The following CBFA2T2 variants were observed in gnomAD, a reference collection of about 807,000 sequenced individuals.
The protein encoded by CBFA2T2 is CBFA2/RUNX1 partner transcriptional co-repressor 2.
Under a neutral mutation model 62.2 loss-of-function variants are expected in CBFA2T2, and 11 were observed. The ratio of observed to expected loss-of-function variants is 0.18; its 90% CI spans 0.11 to 0.29. CBFA2T2 has a LOEUF of 0.29. Among genes scored for constraint, CBFA2T2 ranks in the 10% least tolerant of loss-of-function variants. CBFA2T2 has a pLI of 1.00. For missense variants in CBFA2T2, 592 were observed against 774.1 expected (o/e 0.76, Z 2.79); for synonymous variants, 295 against 287.5 (o/e 1.03, Z -0.27).
intron 1 of CBFA2T2, among the ~76,000 whole-genome samples, chr20:33,527,684 T>G (rs968590305): frequency 6.6e-6 from 1 of 151,794 alleles, no homozygotes; most frequent in Admixed American, 6.6e-5. Context: ...TAAGTCTTAT[T>G]GTTTTTTCTT....
intron 10 of CBFA2T2, among the ~76,000 whole-genome samples, chr20:33,643,776 T>C (rs2016938282): frequency 1.3e-4 from 1 of 7,532 alleles, no homozygotes; most frequent in African/African-American, 7.9e-4. Flanking sequence ...TATATATATA[T>C]ATATATATAT....
At chr20:33,493,145 G>A (rs1234313896) in intron 1 of CBFA2T2, among the ~76,000 whole-genome samples, 2 of 142,662 alleles carry the variant, frequency 1.4e-5, no homozygotes, top group African/African-American at 5.3e-5. Context: ...GCATGATCTC[G>A]GCTCACTGCA....
At chr20:33,570,502 G>T (rs961239132) in intron 1 of CBFA2T2, among the ~76,000 whole-genome samples, 1 of 152,098 alleles carries the variant, frequency 6.6e-6, no homozygotes, top group Non-Finnish European at 1.5e-5. Flanking sequence ...AGTCAGTAAA[G>T]GGGAAGAGTT....
intron 10 of CBFA2T2, among the ~76,000 whole-genome samples, chr20:33,643,480 G>C (rs1169813670): frequency 6.7e-6 from 1 of 148,528 alleles, no homozygotes; most frequent in African/African-American, 2.5e-5. Flanking sequence ...GGAGGCTAAG[G>C]TGGGAGTGTG....
intron 1 of CBFA2T2, among the ~76,000 whole-genome samples, chr20:33,508,276 G>A: frequency 6.6e-6 from 1 of 152,022 alleles, no homozygotes; most frequent in East Asian, 1.9e-4. Context: ...TGTGTTTTTG[G>A]TAGAGATGGA....
intron 10 of CBFA2T2, 86 bp from the exon 11 acceptor site, chr20:33,644,261 C>G (rs535158628): frequency 6.8e-7 from 1 of 1,476,768 alleles, no homozygotes; most frequent in South Asian, 1.3e-5. Context: ...TCTCTACATA[C>G]AGCCCCTTGC....
At chr20:33,603,328 A>G (rs1350188853) in intron 1 of CBFA2T2, among the ~76,000 whole-genome samples, 1 of 152,174 alleles carries the variant, frequency 6.6e-6, no homozygotes, top group Non-Finnish European at 1.5e-5. Context: ...ATCCTTAGCA[A>G]ATTGCACACA....
chr20:33,581,311 C>A (rs921835969), intron 1 of CBFA2T2, among the ~76,000 whole-genome samples: 30 of 152,298 alleles, frequency 2.0e-4, no homozygotes, highest in African/African-American at 6.3e-4. Flanking sequence ...CCTGCCTTGG[C>A]CTCCCAAAGT....
chr20:33,501,282 TTTCCTCTC>T (rs2011275058), intron 1 of CBFA2T2, among the ~76,000 whole-genome samples: 1 of 152,212 alleles, frequency 6.6e-6, no homozygotes, highest in African/African-American at 2.4e-5. Flanking sequence ...ATTTTGGCCT[TTTCCTCTC>T]TTACAAATGT....
At chr20:33,590,743 G>GT (rs1427594539) in intron 1 of CBFA2T2, among the ~76,000 whole-genome samples, 1 of 152,162 alleles carries the variant, frequency 6.6e-6, no homozygotes, top group Non-Finnish European at 1.5e-5. Flanking sequence ...TGAGCATGCA[G>GT]TTTTGATTTT....
At chr20:33,612,135 T>C (rs994579313) in intron 3 of CBFA2T2, among the ~76,000 whole-genome samples, 6 of 152,220 alleles carry the variant, frequency 3.9e-5, no homozygotes, top group African/African-American at 9.6e-5. Context: ...CTCGTGCATA[T>C]AAACTTGCTT....
intron 1 of CBFA2T2, among the ~76,000 whole-genome samples, chr20:33,582,272 C>T (rs2014153305): frequency 6.6e-6 from 1 of 151,282 alleles, no homozygotes; most frequent in African/African-American, 2.4e-5. Context: ...GTGGGTGGAT[C>T]GTCTGAGGTC....
chr20:33,537,348 G>C (rs767116066), intron 1 of CBFA2T2, among the ~76,000 whole-genome samples: 2 of 152,358 alleles, frequency 1.3e-5, no homozygotes, highest in Admixed American at 1.3e-4. Context: ...CCAGTCAGGC[G>C]TGGCAGCGCG....
At chr20:33,575,019 C>G (rs2013757052) in intron 1 of CBFA2T2, among the ~76,000 whole-genome samples, 1 of 152,118 alleles carries the variant, frequency 6.6e-6, no homozygotes, top group African/African-American at 2.4e-5. Flanking sequence ...TTTGGAGTGG[C>G]AAAATAATTT....
intron 2 of CBFA2T2, among the ~76,000 whole-genome samples, chr20:33,607,443 G>A (rs537822553): frequency 1.3e-5 from 2 of 152,266 alleles, no homozygotes; most frequent in South Asian, 2.1e-4. Context: ...TTCTAAAAAT[G>A]TTCCAGTGCT....
intron 1 of CBFA2T2, among the ~76,000 whole-genome samples, chr20:33,536,626 T>A (rs539536487): frequency 1.7e-5 from 2 of 120,804 alleles, no homozygotes; most frequent in African/African-American, 7.5e-5. Context: ...GACGGGGCGG[T>A]TGCCAGGCGG....
chr20:33,535,707 TTTCTCGCAGAGGGGG>T (rs2012195777), intron 1 of CBFA2T2, among the ~76,000 whole-genome samples: 1 of 151,340 alleles, frequency 6.6e-6, no homozygotes, highest in African/African-American at 2.4e-5. Context: ...TTCTTGGGTG[TTTCTCGCAGAGGGGG>T]AGTTGGCAGG....
chr20:33,535,554 G>A (rs1452448313), intron 1 of CBFA2T2, among the ~76,000 whole-genome samples: 1 of 150,400 alleles, frequency 6.6e-6, no homozygotes, highest in African/African-American at 2.5e-5. Flanking sequence ...GCAGGAGAAG[G>A]CTTCTTTGTT....
chr20:33,641,834 T>G (rs1303531472), intron 10 of CBFA2T2, among the ~76,000 whole-genome samples: 1 of 151,980 alleles, frequency 6.6e-6, no homozygotes, highest in Non-Finnish European at 1.5e-5. Context: ...CCACCCAACC[T>G]TGGCCTCCCA....
Sources: gnomAD v4.1 joint callset for allele counts (sites outside exome capture counted in the v4.1 genomes callset) on GRCh38, gnomAD v4.1.1 for gene constraint, MANE v1.5 for transcripts, NCBI Gene and HGNC (gene_info 2026-07-23, HGNC 2026-07-21) for gene names.